Variants in GATB observed in about 807,000 individuals in gnomAD.
GATB encodes the protein glutamyl-tRNA(Gln) amidotransferase subunit B, mitochondrial.
In GATB, 39 loss-of-function variants were observed where a neutral mutation model predicts 62.3. That is an observed-to-expected ratio of 0.63 (90% CI 0.48 to 0.82). The LOEUF (loss-of-function observed/expected upper bound fraction) is 0.82, where lower values mean the gene tolerates loss of function less well. Among genes scored for constraint, GATB ranks in the 40% least tolerant of loss-of-function variants. The pLI, the probability that GATB is intolerant of heterozygous loss-of-function variation, is 0.00. For synonymous variants in GATB, 276 were observed against 258.9 expected, an observed-to-expected ratio of 1.07 and a Z score of -0.63; for missense variants, 670 against 684.0, an observed-to-expected ratio of 0.98 and a Z score of 0.23.
At chr4:151,748,733 G>A (rs187376239) in intron 2 of GATB, among the ~76,000 whole-genome samples, 2 of 152,124 alleles carry the variant, frequency 1.3e-5, no homozygotes, top group Non-Finnish European at 2.9e-5. Context: ...GCAACCTACA[G>A]AATGGGAGAA....
chr4:151,706,279 C>T (rs1490910060), intron 6 of GATB, among the ~76,000 whole-genome samples: 1 of 152,226 alleles, frequency 6.6e-6, no homozygotes, highest in Non-Finnish European at 1.5e-5. Flanking sequence ...AGATTTCTCC[C>T]TCAGACTGGT....
At chr4:151,708,182 G>A (rs1393676329) in intron 5 of GATB, 81 bp from the exon 6 acceptor site, 2 of 910,106 alleles carry the variant, frequency 2.2e-6, no homozygotes, top group African/African-American at 1.7e-5. Context: ...GTCAAAGGAA[G>A]CAGCATCTAA....
intron 10 of GATB, among the ~76,000 whole-genome samples, chr4:151,682,245 G>A (rs1403423224): frequency 6.6e-6 from 1 of 152,066 alleles, no homozygotes; most frequent in Non-Finnish European, 1.5e-5. Context: ...TGTGTCACAG[G>A]CTTCCTCACA....
chr4:151,672,636 A>G, intron 12 of GATB, 126 bp downstream of exon 12: 1 of 914,004 alleles, frequency 1.1e-6, no homozygotes, highest in Non-Finnish European at 1.6e-6. Flanking sequence ...CAGTGAGGGA[A>G]TTATTGATGA....
intron 2 of GATB, among the ~76,000 whole-genome samples, chr4:151,729,874 G>A (rs982990929): frequency 6.6e-6 from 1 of 152,124 alleles, no homozygotes; most frequent in Non-Finnish European, 1.5e-5. Flanking sequence ...CATGGCAGAC[G>A]GGAGGCAGGA....
At chr4:151,726,557 T>A (rs1263183688) in intron 2 of GATB, among the ~76,000 whole-genome samples, 2 of 152,236 alleles carry the variant, frequency 1.3e-5, no homozygotes, top group Admixed American at 6.5e-5. Flanking sequence ...AAGGAGAATG[T>A]GAAGGCTACA....
chr4:151,709,402 A>G lies in GATB; in HGVS notation c.764-1301T>C, dbSNP rs566881664. Among the ~76,000 whole-genome samples the G allele has an allele frequency of 2.0e-5, 3 of 152,220 alleles. No individual in the cohort carries two copies. The South Asian group carries it at 6.2e-4, about 32-fold the overall frequency. ...CTCTCTCCAGCACTGACTTCTCAACACTTTTACAAGAATTCTGTAACCCCT... is the reference window on the plus strand; with the variant it reads ...CTCTCTCCAGCACTGACTTCTCAACGCTTTTACAAGAATTCTGTAACCCCT... On this transcript the variant is annotated intron_variant, in intron 5 of 12. Transcript: ENST00000263985.
At chr4:151,704,451 T>C (rs996219383) in intron 7 of GATB, among the ~76,000 whole-genome samples, 2 of 151,836 alleles carry the variant, frequency 1.3e-5, no homozygotes, top group African/African-American at 4.8e-5. Context: ...GGTACAGTAC[T>C]TTTCTTTTTT....
chr4:151,705,991 A>G (rs1481715704), intron 6 of GATB, among the ~76,000 whole-genome samples: 1 of 152,064 alleles, frequency 6.6e-6, no homozygotes, highest in Non-Finnish European at 1.5e-5. Context: ...CTTTATGAAA[A>G]TATCTTGAGC....
At chr4:151,704,371 G>A (rs980782864) in intron 7 of GATB, among the ~76,000 whole-genome samples, 3 of 152,190 alleles carry the variant, frequency 2.0e-5, no homozygotes, top group Admixed American at 6.5e-5. Flanking sequence ...GGCCTAAAAC[G>A]AAGCCCTTGG....
At chr4:151,746,692 AG>A (rs1739599485) in intron 2 of GATB, among the ~76,000 whole-genome samples, 1 of 152,158 alleles carries the variant, frequency 6.6e-6, no homozygotes, top group Admixed American at 6.5e-5. Context: ...CCTAAAACTG[AG>A]GGAAAATAAG....
rs1203101667 is a variant in GATB at position 151,715,917 on chromosome 4, A to G, written c.763+92T>C. Reference sequence around the variant, plus strand: ...GAAAAAATGGCTGCAAACAACCTCAATATAATAGACAGAAAATAAAACTAA... The same window carrying G: ...GAAAAAATGGCTGCAAACAACCTCAGTATAATAGACAGAAAATAAAACTAA... On this transcript the variant is annotated intron_variant, in intron 5 of 12. Coordinates refer to ENST00000263985, the MANE Select transcript of GATB (RefSeq NM_004564.3). The G allele has an allele frequency of 7.7e-6, 11 of 1,433,332 alleles. No individual in the cohort carries two copies. The East Asian group carries it at 1.2e-4, about 16-fold the overall frequency. The allele number at this position is 1,433,332 out of a possible 1,614,324, so 88.8% of individuals were successfully genotyped here. A position where few individuals can be genotyped will look rare whatever the true frequency, so the allele number is the denominator to read the frequency against.
At chr4:151,677,654 A>C (rs1327374636) in intron 11 of GATB, 1 of 152,250 alleles carries the variant, frequency 6.6e-6, no homozygotes, top group East Asian at 1.9e-4. Flanking sequence ...ATGGACAGAC[A>C]AAATGGAATG....
intron 9 of GATB, among the ~76,000 whole-genome samples, chr4:151,693,552 A>C (rs1391409153): frequency 6.6e-6 from 1 of 152,174 alleles, no homozygotes; most frequent in African/African-American, 2.4e-5. Context: ...CAGAACCTCC[A>C]CTGCTGCTGG....
At chr4:151,754,525 G>C (rs1254417730) in intron 2 of GATB, among the ~76,000 whole-genome samples, 1 of 152,200 alleles carries the variant, frequency 6.6e-6, no homozygotes, top group Non-Finnish European at 1.5e-5. Context: ...AGCTACACAA[G>C]GGCTAGCATA....
chr4:151,758,094 C>T (rs1328949448), intron 2 of GATB, among the ~76,000 whole-genome samples: 2 of 152,236 alleles, frequency 1.3e-5, no homozygotes, highest in East Asian at 3.9e-4. Context: ...TAAGTGAGTA[C>T]AATAGTTAAC....
intron 10 of GATB, 138 bp downstream of exon 10, chr4:151,688,492 G>T (rs1311325515): frequency 2.6e-6 from 2 of 764,930 alleles, no homozygotes; most frequent in Non-Finnish European, 4.3e-6. Context: ...AGAATGTGGA[G>T]TCCACAGGGG....
intron 2 of GATB, among the ~76,000 whole-genome samples, chr4:151,726,320 C>A (rs952310482): frequency 7.9e-5 from 12 of 152,166 alleles, no homozygotes; most frequent in African/African-American, 2.9e-4. Flanking sequence ...TGTTTCCGCA[C>A]CCCTACACCA....
chr4:151,727,137 T>C (rs1056853792), intron 2 of GATB, among the ~76,000 whole-genome samples: 3 of 152,220 alleles, frequency 2.0e-5, no homozygotes, highest in African/African-American at 7.2e-5. Context: ...CCCAGGCTGC[T>C]CTTGAACTCC....
Sources: gnomAD v4.1 joint callset for allele counts (sites outside exome capture counted in the v4.1 genomes callset) on GRCh38, gnomAD v4.1.1 for gene constraint, MANE v1.5 for transcripts, NCBI Gene and HGNC (gene_info 2026-07-23, HGNC 2026-07-21) for gene names.